Variants in ST8SIA4 observed in about 807,000 individuals in gnomAD.
The protein encoded by ST8SIA4 is ST8 alpha-N-acetyl-neuraminide alpha-2,8-sialyltransferase 4.
Under a neutral mutation model 33.9 loss-of-function variants are expected in ST8SIA4, and 15 were observed. That is an observed-to-expected ratio of 0.44 (90% confidence interval 0.30 to 0.68). The LOEUF (loss-of-function observed/expected upper bound fraction) is 0.68. Among genes scored for constraint, ST8SIA4 ranks in the 30% least tolerant of loss-of-function variants. The probability of loss-of-function intolerance (pLI) is 0.10; values close to 1 mark genes in which losing one functional copy is unlikely to be tolerated. For missense variants in ST8SIA4, 321 were observed against 428.0 expected, an observed-to-expected ratio of 0.75 and a Z score of 2.21; for synonymous variants, 171 against 151.2, an observed-to-expected ratio of 1.13 and a Z score of -0.96.
rs374616053 is a variant in ST8SIA4, at chr5:100,818,555, A to G, written c.798-6426T>C. On this transcript the variant is annotated intron_variant, in intron 4 of 4. Transcript: ENST00000231461. ...ATGAATTTCCATGCAGAATTGCATG[A>G]TGCCTCTGAAGGTATTTTGAAGTAT... Among the ~76,000 whole-genome samples the G allele has an allele frequency of 5.3e-5, 8 of 152,310 alleles. No homozygotes were observed. In the South Asian group the frequency reaches 1.7e-3, roughly 32 times the overall value.
At chr5:100,846,308 C>G (rs1376282781) in intron 4 of ST8SIA4, among the ~76,000 whole-genome samples, 1 of 151,946 alleles carries the variant, frequency 6.6e-6, no homozygotes, top group Non-Finnish European at 1.5e-5. Flanking sequence ...ATTGCAATGT[C>G]TAACTTCAGC....
chr5:100,857,213 T>G (rs1751834722), intron 3 of ST8SIA4, among the ~76,000 whole-genome samples: 1 of 151,976 alleles, frequency 6.6e-6, no homozygotes, highest in Non-Finnish European at 1.5e-5. Flanking sequence ...AGCTTGGGCC[T>G]GATGTTGTTT....
chr5:100,833,765 A>C (rs1032904701), intron 4 of ST8SIA4, among the ~76,000 whole-genome samples: 2 of 152,170 alleles, frequency 1.3e-5, no homozygotes, highest in African/African-American at 4.8e-5. Flanking sequence ...GGCATTAACT[A>C]GAATGTCAAT....
chr5:100,895,752 G>A lies in ST8SIA4; in HGVS notation c.147C>T (p.Val49=), dbSNP rs1752766228. ...DGELSLSRSL[V]NSSDKIIRKA... ...TTCGAATGATTTTATCAGAGCTATT[G>A]ACAAGTGACCGACTCAAAGACAATT... Residue 49 remains valine (V), a synonymous_variant, in exon 2 of 5, where the codon GTC becomes GTT. Transcript: ENST00000231461. 1 of 1,612,596 alleles carries A rather than the reference G, an allele frequency of 6.2e-7. No individual in the cohort carries two copies. Among genetic ancestry groups the A allele is most frequent in the South Asian group, 1.1e-5 (1 of 91,010 alleles).
At chr5:100,883,722 C>T (rs1482590622) in intron 3 of ST8SIA4, among the ~76,000 whole-genome samples, 3 of 152,136 alleles carry the variant, frequency 2.0e-5, no homozygotes, top group East Asian at 1.9e-4. Context: ...ATAAGTCTTA[C>T]GAGATCTGAT....
At chr5:100,829,563 T>C (rs2112412846) in intron 4 of ST8SIA4, among the ~76,000 whole-genome samples, 1 of 152,282 alleles carries the variant, frequency 6.6e-6, no homozygotes, top group South Asian at 2.1e-4. Context: ...CATAATAAAG[T>C]ACTTGTTGTG....
rs554443641 is a variant in ST8SIA4 at position 100,893,654 on chromosome 5, T to C, written c.245+2000A>G. Among the ~76,000 whole-genome samples the C allele has an allele frequency of 5.9e-5, 9 of 152,304 alleles. No homozygotes were observed. The South Asian group carries it at 1.9e-3, about 32-fold the overall frequency. On this transcript the variant is annotated intron_variant, in intron 2 of 4. Transcript: ENST00000231461. Reference sequence around the variant, plus strand: ...CTATTTATAGTATTTGATTTTTATATAGCTATTAGGAAAGGCATGACCAGA... The same window carrying C: ...CTATTTATAGTATTTGATTTTTATACAGCTATTAGGAAAGGCATGACCAGA...
intron 4 of ST8SIA4, among the ~76,000 whole-genome samples, chr5:100,818,629 T>C (rs1750978283): frequency 6.6e-6 from 1 of 151,642 alleles, no homozygotes. Flanking sequence ...CAATTGTTAA[T>C]TTTTTTTTCT....
rs147924375 is a variant in ST8SIA4 at position 100,811,866 on chromosome 5, C to T, written c.1061G>A (p.Gly354Glu). The change falls in exon 5 of 5, where the codon GGA becomes GAA. Residue 354 changes from glycine (G) to glutamate (E), a missense_variant. Physicochemically the swap from Gly to Glu is moderately conservative, Grantham distance 98. Coordinates refer to ENST00000231461, the MANE Select transcript of ST8SIA4 (RefSeq NM_005668.6). ...HNRGALKLTT[G>E]KCVKQ ...TGTGCTTTATTGCTTTACACACTTTCCTGTTGTCAGTTTTAGAGCTCCTCT... is the reference window on the plus strand; with the variant it reads ...TGTGCTTTATTGCTTTACACACTTTTCTGTTGTCAGTTTTAGAGCTCCTCT... 8.0e-5 allele frequency: 129 copies of T among 1,612,078 alleles called. No homozygotes were observed. Among genetic ancestry groups the T allele is most frequent in the Non-Finnish European group, 1.1e-4 (125 of 1,179,192 alleles).
chr5:100,893,057 A>G (rs1177329639), intron 2 of ST8SIA4, among the ~76,000 whole-genome samples: 1 of 152,144 alleles, frequency 6.6e-6, no homozygotes, highest in Non-Finnish European at 1.5e-5. Flanking sequence ...TTTTGAAAAC[A>G]CTTTTAAAAT....
intron 4 of ST8SIA4, among the ~76,000 whole-genome samples, chr5:100,845,192 A>T (rs1378862288): frequency 2.0e-5 from 3 of 152,024 alleles, no homozygotes; most frequent in African/African-American, 7.2e-5. Flanking sequence ...GACCTAATCT[A>T]AACTATTACA....
intron 4 of ST8SIA4, among the ~76,000 whole-genome samples, chr5:100,851,504 T>TA (rs966527309): frequency 4.4e-4 from 67 of 151,908 alleles, no homozygotes; most frequent in Non-Finnish European, 1.8e-4. Context: ...ACTTTCCTAT[T>TA]AAAAAAAACA....
At chr5:100,836,998 A>T in intron 4 of ST8SIA4, among the ~76,000 whole-genome samples, 1 of 16,152 alleles carries the variant, frequency 6.2e-5, no homozygotes, top group African/African-American at 9.8e-5. Context: ...GTGCTAAAAC[A>T]CACACACACA....
intron 2 of ST8SIA4, among the ~76,000 whole-genome samples, chr5:100,887,381 G>A (rs1317827852): frequency 1.3e-5 from 2 of 152,042 alleles, no homozygotes; most frequent in East Asian, 1.9e-4. Flanking sequence ...CCCAAGTAGA[G>A]CTCAGTTGGG....
intron 3 of ST8SIA4, among the ~76,000 whole-genome samples, chr5:100,872,875 TA>T (rs550303574): frequency 0.095 from 12,570 of 132,386 alleles, 1,125 homozygotes; most frequent in African/African-American, 0.24. Context: ...AGATATGGGC[TA>T]AAAAAAAAAA....
intron 4 of ST8SIA4, among the ~76,000 whole-genome samples, chr5:100,854,230 T>C (rs1751764860): frequency 6.6e-6 from 1 of 151,938 alleles, no homozygotes; most frequent in African/African-American, 2.4e-5. Context: ...TCTTATTTTG[T>C]TGAAACTTCC....
At chr5:100,853,741 T>C (rs1052248333) in intron 4 of ST8SIA4, among the ~76,000 whole-genome samples, 1 of 152,222 alleles carries the variant, frequency 6.6e-6, no homozygotes, top group Non-Finnish European at 1.5e-5. Flanking sequence ...TCACTGTTAA[T>C]CATATATAAC....
chr5:100,897,913 A>T (rs772587056), intron 1 of ST8SIA4, among the ~76,000 whole-genome samples: 1 of 152,214 alleles, frequency 6.6e-6, no homozygotes, highest in Non-Finnish European at 1.5e-5. Flanking sequence ...TATTATATTC[A>T]TAATGATAAT....
intron 3 of ST8SIA4, among the ~76,000 whole-genome samples, chr5:100,861,869 G>A (rs187637954): frequency 6.6e-6 from 1 of 152,168 alleles, no homozygotes; most frequent in East Asian, 1.9e-4. Context: ...AACTGTACTG[G>A]GAAAATTAAA....
Sources: allele counts gnomAD v4.1 joint callset (sites outside exome capture counted in the v4.1 genomes callset), GRCh38; gene constraint gnomAD v4.1.1; transcripts MANE v1.5; gene names NCBI Gene and HGNC (gene_info 2026-07-23, HGNC 2026-07-21).